PINX1: variants seen among roughly 807,000 people sequenced by gnomAD.
PINX1 encodes PIN2/TERF1-interacting telomerase inhibitor 1.
Under a neutral mutation model 25.4 loss-of-function variants are expected in PINX1, and 34 were observed. That is an observed-to-expected ratio of 1.34 (90% CI 1.02 to 1.78). The LOEUF is 1.78. PINX1 is among the 40% of genes most tolerant of loss of function. PINX1 has a pLI of 0.00. For missense variants in PINX1, 592 were observed against 404.9 expected (o/e 1.46, Z -3.97); for synonymous variants, 197 against 147.7 (o/e 1.33, Z -2.42).
chr8:10,792,091 C>G (rs139795267), intron 6 of PINX1, among the ~76,000 whole-genome samples: 1 of 152,304 alleles, frequency 6.6e-6, no homozygotes, highest in East Asian at 1.9e-4. Context: ...CTATTGGAGT[C>G]TGAGTCTCTG....
intron 6 of PINX1, chr8:10,787,955 C>T (rs1199389945): frequency 1.1e-5 from 4 of 369,008 alleles, no homozygotes; most frequent in South Asian, 2.2e-5. Context: ...AGTTATTAGA[C>T]AACTGGGGAA....
intron 6 of PINX1, among the ~76,000 whole-genome samples, chr8:10,769,094 G>A (rs997927559): frequency 1.2e-4 from 19 of 152,270 alleles, no homozygotes. Flanking sequence ...AAATTTAAGA[G>A]TAACTTGAAA....
At chr8:10,837,804 A>T (rs114092969) in intron 1 of PINX1, among the ~76,000 whole-genome samples, 2,203 of 152,328 alleles carry the variant, frequency 0.014, 65 homozygotes, top group African/African-American at 0.05. Flanking sequence ...AGAAGTTTTA[A>T]ACAATCTCTC....
At chr8:10,803,929 C>A (rs1170492990) in intron 6 of PINX1, among the ~76,000 whole-genome samples, 1 of 152,178 alleles carries the variant, frequency 6.6e-6, no homozygotes. Flanking sequence ...AGGAAATCAA[C>A]CTGCAATGTA....
rs543035101 is a variant in PINX1 at position 10,812,021 on chromosome 8, C to T, written c.471+8172G>A. 4.6e-5 allele frequency among the ~76,000 whole-genome samples: 7 copies of T among 152,298 alleles called. No homozygotes were observed. The South Asian group carries it at 1.5e-3, about 32-fold the overall frequency. ...TGCTACACAAACAAGTAACTCAAGA[C>T]TCATTTATAGATAACTGAGTTTACA... On this transcript the variant is annotated intron_variant, in intron 6 of 6. Transcript: ENST00000314787.
intron 6 of PINX1, among the ~76,000 whole-genome samples, chr8:10,794,878 C>G (rs1802039136): frequency 6.6e-6 from 1 of 152,154 alleles, no homozygotes; most frequent in East Asian, 1.9e-4. Flanking sequence ...CTCCCAGGAA[C>G]AGAAAGACCA....
In PINX1 at chr8:10,765,708, TA is replaced by T. The variant is rs1801014609; in HGVS notation, c.679del (p.Tyr227ThrfsTer65). ...GTGCCTCTTGGCCTTAGGCTGGAGG[TA>T]ACTTTCCACATCTTTACCTGTGGCC... ...KEATGKDVES[Y>X]LQPKAKRHTE... On this transcript the variant is annotated frameshift_variant, in exon 7 of 7. Coordinates refer to ENST00000314787, the MANE Select transcript of PINX1 (RefSeq NM_017884.6). LOFTEE classifies it low-confidence loss of function (END_TRUNC). The T allele has an allele frequency of 1.2e-6, 2 of 1,613,874 alleles. No individual in the cohort carries two copies. The highest frequency in any genetic ancestry group is 2.7e-5 in the African/African-American group (2 of 74,926).
Position 10,819,991 on chromosome 8 carries a change from C to CT in PINX1, c.471+201dup, listed in dbSNP as rs532166507. Among the ~76,000 whole-genome samples the CT allele has an allele frequency of 2.0e-3, 300 of 152,156 alleles. 1 individual carries two copies. Among genetic ancestry groups the CT allele is most frequent in the African/African-American group, 6.7e-3 (280 of 41,528 alleles). ...AGCCAAACACCAGAAAACACTTATTCTTTTTTTTAAAGATTCCTTATAAAA... is the reference window on the plus strand; with the variant it reads ...AGCCAAACACCAGAAAACACTTATTCTTTTTTTTTAAAGATTCCTTATAAAA... On this transcript the variant is annotated intron_variant, in intron 6 of 6. Transcript: ENST00000314787.
At chr8:10,830,988 C>T (rs1798211837) in intron 4 of PINX1, among the ~76,000 whole-genome samples, 1 of 152,200 alleles carries the variant, frequency 6.6e-6, no homozygotes, top group South Asian at 2.1e-4. Context: ...GCAGAGGTAC[C>T]TGCAAACCCA....
chr8:10,825,198 G>A (rs116791309), intron 5 of PINX1, among the ~76,000 whole-genome samples: 112 of 152,240 alleles, frequency 7.4e-4, no homozygotes, highest in African/African-American at 2.4e-3. Flanking sequence ...AGAGTAGTGG[G>A]GATTCCAGCT....
chr8:10,780,287 T>C (rs980718136), intron 6 of PINX1, among the ~76,000 whole-genome samples: 2 of 152,214 alleles, frequency 1.3e-5, no homozygotes, highest in Non-Finnish European at 2.9e-5. Flanking sequence ...ATCCCTGTCT[T>C]GTACCAGATC....
chr8:10,795,907 C>T (rs1802070003), intron 6 of PINX1, among the ~76,000 whole-genome samples: 1 of 152,026 alleles, frequency 6.6e-6, no homozygotes, highest in African/African-American at 2.4e-5. Flanking sequence ...AGCTTCTGTC[C>T]CATTCAACTG....
At chr8:10,775,251 G>A (rs1411928605) in intron 6 of PINX1, among the ~76,000 whole-genome samples, 1 of 152,122 alleles carries the variant, frequency 6.6e-6, no homozygotes, top group Admixed American at 6.5e-5. Context: ...CTCCCTGCAT[G>A]TTCAGAATCC....
At chr8:10,815,937 G>C (rs1392467619) in intron 6 of PINX1, among the ~76,000 whole-genome samples, 2 of 152,128 alleles carry the variant, frequency 1.3e-5, no homozygotes, top group African/African-American at 4.8e-5. Context: ...TTTAGCACTG[G>C]GTAGTGACCC....
intron 6 of PINX1, among the ~76,000 whole-genome samples, chr8:10,795,736 C>T (rs1438392776): frequency 3.3e-5 from 5 of 152,200 alleles, no homozygotes; most frequent in African/African-American, 1.2e-4. Context: ...ACTCTCAAAG[C>T]ATACTGTATT....
chr8:10,834,812 T>C (rs1798351183), intron 1 of PINX1, 37 bp from the exon 2 acceptor site: 2 of 1,459,418 alleles, frequency 1.4e-6, no homozygotes, highest in Non-Finnish European at 1.9e-6. Flanking sequence ...GCAATGGAGA[T>C]GATACCCGGA....
intron 6 of PINX1, among the ~76,000 whole-genome samples, chr8:10,783,177 G>A (rs1445932703): frequency 6.6e-6 from 1 of 152,168 alleles, no homozygotes; most frequent in Non-Finnish European, 1.5e-5. Flanking sequence ...TGAACATTGA[G>A]CTTTGAACAC....
At position 10,778,857 on chromosome 8, in the gene PINX1, C is replaced by G. The variant is rs189309011; in HGVS notation, c.472-12941G>C. Among the ~76,000 whole-genome samples the G allele has an allele frequency of 5.7e-4, 86 of 152,206 alleles. No homozygotes were observed. The East Asian group carries it at 0.016, about 28-fold the overall frequency. On this transcript the variant is annotated intron_variant, in intron 6 of 6. Transcript: ENST00000314787. ...AATCTTTGTTTTGTCCCAGATTGTCCAAGAGGGTGGGCTTTTACCCATGTA... is the reference window on the plus strand; with the variant it reads ...AATCTTTGTTTTGTCCCAGATTGTCGAAGAGGGTGGGCTTTTACCCATGTA...
intron 6 of PINX1, 98 bp from the exon 7 acceptor site, chr8:10,766,014 C>CCACACCCGGCGCT: frequency 1.7e-6 from 2 of 1,193,786 alleles, no homozygotes; most frequent in East Asian, 2.3e-5. Context: ...CACCTGGCAC[C>CCACACCCGGCGCT]CACACCCGGC....
Sources: gnomAD v4.1 joint callset for allele counts (sites outside exome capture counted in the v4.1 genomes callset) on GRCh38, gnomAD v4.1.1 for gene constraint, MANE v1.5 for transcripts, NCBI Gene and HGNC (gene_info 2026-07-23, HGNC 2026-07-21) for gene names.